ZNF783: variants seen among roughly 807,000 people sequenced by gnomAD.
ZNF783 encodes the protein protein ZNF783.
ZNF783 carries 25 observed loss-of-function variants against 31.3 expected under a neutral mutation model. The observed-to-expected ratio is 0.80, with a 90% CI of 0.58 to 1.11. ZNF783 has a LOEUF of 1.11. ZNF783 is among the 50% of genes most tolerant of loss of function. The pLI is 0.00. For missense variants in ZNF783, 797 were observed against 760.0 expected (o/e 1.05, Z -0.57); for synonymous variants, 369 against 319.1 (o/e 1.16, Z -1.66).
chr7:149,276,390 G>A, intron 4 of ZNF783: 1 of 987,976 alleles, frequency 1.0e-6, no homozygotes, highest in Non-Finnish European at 1.2e-6. Context: ...ATGATCCACT[G>A]AAATTTTTAG....
intron 4 of ZNF783, among the ~76,000 whole-genome samples, chr7:149,276,885 G>A (rs1366318038): frequency 6.6e-6 from 1 of 151,300 alleles, no homozygotes; most frequent in Admixed American, 6.6e-5. Context: ...GTCTTGCTCT[G>A]TCGCCCAGGC....
chr7:149,276,753 C>T (rs551043516), intron 4 of ZNF783: 1 of 405,976 alleles, frequency 2.5e-6, no homozygotes, highest in East Asian at 1.6e-4. Flanking sequence ...CTCACTGCAG[C>T]CTCATACTCC....
In ZNF783 at chr7:149,283,685, G is replaced by A. The variant is rs1332271856; in HGVS notation, c.*1342G>A. The A allele has an allele frequency of 6.6e-6, 1 of 152,198 alleles. No homozygotes were observed. Among genetic ancestry groups the A allele is most frequent in the East Asian group, 1.9e-4 (1 of 5,178 alleles). The allele number at this position is 152,198 out of a possible 1,614,324, so 9.4% of individuals were successfully genotyped here. A position where few individuals can be genotyped will look rare whatever the true frequency, so the allele number is the denominator to read the frequency against. Reference sequence around the variant, plus strand: ...GCACTTTGGGCTCTGGGGCAGAGTTGGGCTAGGAGATCTGGGTGAATCCTT... The same window carrying A: ...GCACTTTGGGCTCTGGGGCAGAGTTAGGCTAGGAGATCTGGGTGAATCCTT... On this transcript the variant is annotated 3_prime_UTR_variant, in exon 6 of 6. Transcript: ENST00000434415.
intron 5 of ZNF783, among the ~76,000 whole-genome samples, chr7:149,280,360 C>T (rs985498966): frequency 3.4e-5 from 5 of 146,044 alleles, no homozygotes; most frequent in African/African-American, 5.0e-5. Flanking sequence ...GGAAGAAGGG[C>T]GGAGGCACCT....
At chr7:149,270,917 T>A (rs1797194263) in intron 4 of ZNF783, among the ~76,000 whole-genome samples, 2 of 152,252 alleles carry the variant, frequency 1.3e-5, no homozygotes, top group Admixed American at 6.5e-5. Context: ...CATGAGTTTA[T>A]ACATTGATAT....
In ZNF783 at chr7:149,281,919, T is replaced by C. The variant is rs773853616; in HGVS notation, c.1217T>C (p.Ile406Thr). 19 of 1,530,700 alleles carry C rather than the reference T, an allele frequency of 1.2e-5. No homozygotes were observed. The highest frequency in any genetic ancestry group is 1.7e-5 in the Non-Finnish European group (19 of 1,143,356). 94.8% of individuals were successfully genotyped at this position (1,530,700 alleles called of 1,614,324 possible). A position where few individuals can be genotyped will look rare whatever the true frequency, so the allele number is the denominator to read the frequency against. Residue 406 changes from isoleucine (I) to threonine (T), a missense_variant, in exon 6 of 6, where the codon ATC becomes ACC. Physicochemically the swap from Ile to Thr is moderately conservative, Grantham distance 89. Coordinates refer to ENST00000434415, the MANE Select transcript of ZNF783 (RefSeq NM_001195220.2). The part of the protein sequence containing the change: ...PGEVVVPGPV[I>T]RWLPEEPEGR... Reference sequence around the variant, plus strand: ...GAGGTGGTGGTACCCGGCCCTGTCATCCGCTGGCTCCCCGAGGAGCCTGAG... The same window carrying C: ...GAGGTGGTGGTACCCGGCCCTGTCACCCGCTGGCTCCCCGAGGAGCCTGAG...
At chr7:149,269,144 C>T (rs1020903897) in intron 4 of ZNF783, among the ~76,000 whole-genome samples, 1 of 152,168 alleles carries the variant, frequency 6.6e-6, no homozygotes, top group African/African-American at 2.4e-5. Context: ...GCCATTCTGA[C>T]TGGTGTGAGA....
intron 5 of ZNF783, 83 bp downstream of exon 5, chr7:149,278,610 C>G: frequency 6.4e-7 from 1 of 1,572,576 alleles, no homozygotes. Flanking sequence ...GAGGAAAAGC[C>G]CTGGAAGCAT....
chr7:149,279,304 A>G (rs1423595946), intron 5 of ZNF783, among the ~76,000 whole-genome samples: 1 of 152,210 alleles, frequency 6.6e-6, no homozygotes, highest in Admixed American at 6.5e-5. Flanking sequence ...TTCCTGCCCC[A>G]TTGCAGACCT....
At position 149,283,102 on chromosome 7, in the gene ZNF783, C is replaced by G. The variant is rs112530054; in HGVS notation, c.*759C>G. 2,564 of 152,282 alleles carry G rather than the reference C, an allele frequency of 0.017. 28 individuals are homozygous for G. The highest frequency in any genetic ancestry group is 0.041 in the Middle Eastern group (12 of 296). The allele number at this position is 152,282 out of a possible 1,614,324, so 9.4% of individuals were successfully genotyped here. ...TCTCCTGCCTCAGCCTCCTGAGTAGCTGGGATTACAGGCGCCCACCACCAC... is the reference window on the plus strand; with the variant it reads ...TCTCCTGCCTCAGCCTCCTGAGTAGGTGGGATTACAGGCGCCCACCACCAC... On this transcript the variant is annotated 3_prime_UTR_variant, in exon 6 of 6. Coordinates refer to ENST00000434415, the MANE Select transcript of ZNF783 (RefSeq NM_001195220.2).
intron 4 of ZNF783, among the ~76,000 whole-genome samples, chr7:149,273,179 C>T (rs891239977): frequency 3.3e-5 from 5 of 152,188 alleles, no homozygotes; most frequent in Non-Finnish European, 7.3e-5. Flanking sequence ...GATTTCAAAT[C>T]TTGACTATTG....
chr7:149,282,601 G>C lies in ZNF783; in HGVS notation c.*258G>C. 2.2e-6 allele frequency: 1 copy of C among 448,242 alleles called. No individual in the cohort carries two copies. Among genetic ancestry groups the C allele is most frequent in the Non-Finnish European group, 3.9e-6 (1 of 256,138 alleles). The allele number at this position is 448,242 out of a possible 1,614,324, so 27.8% of individuals were successfully genotyped here. On this transcript the variant is annotated 3_prime_UTR_variant, in exon 6 of 6. Coordinates refer to ENST00000434415, the MANE Select transcript of ZNF783 (RefSeq NM_001195220.2). ...TGCCATATTTTTGATAAGGCCTCTG[G>C]TAGGTACCACAGCCAAGAGGACCAG...
At chr7:149,275,331 T>TA (rs60592138) in intron 4 of ZNF783, among the ~76,000 whole-genome samples, 11,261 of 150,822 alleles carry the variant, frequency 0.075, 530 homozygotes, top group African/African-American at 0.11. Flanking sequence ...TTTTTTTTTT[T>TA]AGACGGAGTT....
At chr7:149,276,211 C>A in intron 4 of ZNF783, 1 of 461,968 alleles carries the variant, frequency 2.2e-6, no homozygotes. Flanking sequence ...TTCTTAGTGG[C>A]TCACGAACAG....
intron 1 of ZNF783, among the ~76,000 whole-genome samples, chr7:149,265,019 T>C (rs73725469): frequency 0.038 from 5,301 of 138,704 alleles, 346 homozygotes; most frequent in African/African-American, 0.14. Context: ...AGGCTGGAAG[T>C]GGGGAAATCA....
At chr7:149,279,632 GTTTTTTTTTTT>G (rs764203926) in intron 5 of ZNF783, among the ~76,000 whole-genome samples, 1 of 100,342 alleles carries the variant, frequency 1.0e-5, no homozygotes, top group Admixed American at 1.2e-4. Context: ...TTTTATCTTT[GTTTTTTTTTTT>G]TTTTTTTTTT....
chr7:149,270,798 T>C (rs888129336), intron 4 of ZNF783, among the ~76,000 whole-genome samples: 12 of 152,174 alleles, frequency 7.9e-5, no homozygotes, highest in African/African-American at 2.7e-4. Context: ...TTTCTATTGG[T>C]GAGGAGTGGT....
At chr7:149,280,970 A>G (rs1450698055) in intron 5 of ZNF783, among the ~76,000 whole-genome samples, 1 of 152,230 alleles carries the variant, frequency 6.6e-6, no homozygotes, top group African/African-American at 2.4e-5. Context: ...CAGTGAGTGT[A>G]GTGGCAGACA....
chr7:149,279,077 T>G (rs1261378628), intron 5 of ZNF783, among the ~76,000 whole-genome samples: 1 of 152,146 alleles, frequency 6.6e-6, no homozygotes, highest in Non-Finnish European at 1.5e-5. Context: ...AGAGCTCTGT[T>G]CTCTGTCTAG....
Sources: allele counts gnomAD v4.1 joint callset (sites outside exome capture counted in the v4.1 genomes callset), GRCh38; gene constraint gnomAD v4.1.1; transcripts MANE v1.5; gene names NCBI Gene and HGNC (gene_info 2026-07-23, HGNC 2026-07-21).